The following CPNE4 variants were observed in gnomAD, a reference collection of about 807,000 sequenced individuals.
CPNE4 encodes the protein copine-4.
CPNE4 carries 25 observed loss-of-function variants against 67.9 expected under a neutral mutation model. That is an observed-to-expected ratio of 0.37 (90% CI 0.27 to 0.51). The LOEUF (loss-of-function observed/expected upper bound fraction) is 0.51, where lower values mean the gene tolerates loss of function less well. Among genes scored for constraint, CPNE4 ranks in the 20% least tolerant of loss-of-function variants. The pLI is 0.93. For missense variants in CPNE4, 464 were observed against 690.8 expected, an observed-to-expected ratio of 0.67 and a Z score of 3.68; for synonymous variants, 242 against 244.9, an observed-to-expected ratio of 0.99 and a Z score of 0.11.
intron 2 of CPNE4, among the ~76,000 whole-genome samples, chr3:131,822,820 T>C (rs891447245): frequency 6.6e-6 from 1 of 152,188 alleles, no homozygotes; most frequent in Non-Finnish European, 1.5e-5. Context: ...CAATGTACAC[T>C]TCTTTCCTTT....
chr3:131,645,158 T>C (rs978104538), intron 7 of CPNE4, among the ~76,000 whole-genome samples: 1 of 152,256 alleles, frequency 6.6e-6, no homozygotes, highest in Non-Finnish European at 1.5e-5. Context: ...CCATCTGTGA[T>C]GTCCAGACTA....
intron 2 of CPNE4, among the ~76,000 whole-genome samples, chr3:131,859,821 C>T (rs572904704): frequency 4.8e-4 from 73 of 152,174 alleles, no homozygotes; most frequent in Non-Finnish European, 9.7e-4. Flanking sequence ...GAAAGAATCT[C>T]ATATGTCAGA....
At chr3:131,554,578 C>T (rs1936361506) in intron 12 of CPNE4, among the ~76,000 whole-genome samples, 1 of 152,144 alleles carries the variant, frequency 6.6e-6, no homozygotes, top group South Asian at 2.1e-4. Flanking sequence ...CGATTCCATC[C>T]ACTATTCACT....
At chr3:131,676,039 T>C (rs1383894759) in intron 6 of CPNE4, among the ~76,000 whole-genome samples, 1 of 82,258 alleles carries the variant, frequency 1.2e-5, no homozygotes, top group Non-Finnish European at 2.1e-5. Flanking sequence ...CTATTATTAT[T>C]ATTATTATTA....
At chr3:131,986,295 G>A (rs534150171) in intron 1 of CPNE4, among the ~76,000 whole-genome samples, 20 of 152,256 alleles carry the variant, frequency 1.3e-4, no homozygotes, top group African/African-American at 4.6e-4. Context: ...CCATGGCCAA[G>A]TTCAAGCTAC....
chr3:131,796,533 A>G (rs1198028632), intron 2 of CPNE4, among the ~76,000 whole-genome samples: 1 of 152,182 alleles, frequency 6.6e-6, no homozygotes, highest in Non-Finnish European at 1.5e-5. Flanking sequence ...AAGGTTGGAG[A>G]AAGGAAGCAA....
At chr3:131,961,349 C>T (rs1462476606) in intron 1 of CPNE4, among the ~76,000 whole-genome samples, 1 of 152,040 alleles carries the variant, frequency 6.6e-6, no homozygotes, top group Admixed American at 6.5e-5. Flanking sequence ...AAGGAATCAC[C>T]CTGAGCCTGT....
intron 3 of CPNE4, among the ~76,000 whole-genome samples, chr3:131,711,066 A>G (rs1046903140): frequency 1.3e-5 from 2 of 152,224 alleles, no homozygotes; most frequent in African/African-American, 4.8e-5. Context: ...TGGTCGTAAA[A>G]TATATTGTCC....
At chr3:131,907,501 GACACACAC>G (rs3041560) in intron 1 of CPNE4, among the ~76,000 whole-genome samples, 2 of 151,076 alleles carry the variant, frequency 1.3e-5, no homozygotes, top group African/African-American at 4.9e-5. Context: ...GCATCACACA[GACACACAC>G]ACACACACAC....
chr3:131,927,562 T>G (rs1360520415), intron 1 of CPNE4, among the ~76,000 whole-genome samples: 1 of 152,198 alleles, frequency 6.6e-6, no homozygotes, highest in Non-Finnish European at 1.5e-5. Context: ...ATACCTTTTT[T>G]GTATTTTTAC....
intron 3 of CPNE4, among the ~76,000 whole-genome samples, chr3:131,717,893 T>C (rs879713659): frequency 0.02 from 1,289 of 63,842 alleles, 94 homozygotes; most frequent in East Asian, 0.068. Flanking sequence ...TTTCTTTCTT[T>C]CTTTCTTTCT....
intron 5 of CPNE4, 147 bp downstream of exon 5, chr3:131,696,395 G>T: frequency 1.5e-6 from 1 of 657,310 alleles, no homozygotes. Flanking sequence ...TAATGTGGGG[G>T]AAAGTTTACT....
chr3:131,604,890 G>T (rs577694867), intron 7 of CPNE4, among the ~76,000 whole-genome samples: 2 of 152,206 alleles, frequency 1.3e-5, no homozygotes, highest in Admixed American at 1.3e-4. Context: ...CAATTTTCTT[G>T]TAAAGTACCC....
intron 2 of CPNE4, among the ~76,000 whole-genome samples, chr3:131,897,316 G>C (rs2088376717): frequency 6.6e-6 from 1 of 152,072 alleles, no homozygotes; most frequent in Admixed American, 6.6e-5. Flanking sequence ...TTTCTCACCT[G>C]TAGAGTGGGT....
In CPNE4 at chr3:131,552,456, G is replaced by A. The variant is rs149551451; in HGVS notation, c.1152C>T (p.Asp384=). Residue 384 remains aspartate, a synonymous_variant, in exon 13 of 16, where the codon GAC becomes GAT. Coordinates refer to ENST00000429747, the MANE Select transcript of CPNE4 (RefSeq NM_130808.3). ...SHDFAINFNE[D]NPECAGIQGV... Reference sequence around the variant, plus strand: ...GTGCTTTACCTGCACATTCTGGGTTGTCTTCATTAAAGTTGATTGCAAAGT... The same window carrying A: ...GTGCTTTACCTGCACATTCTGGGTTATCTTCATTAAAGTTGATTGCAAAGT... 563 of 1,612,636 alleles carry A rather than the reference G, an allele frequency of 3.5e-4. 2 individuals are homozygous for A. The East Asian group carries it at 8.2e-3, about 24-fold the overall frequency.
At chr3:131,935,749 T>A (rs7653254) in intron 1 of CPNE4, among the ~76,000 whole-genome samples, 1 of 151,702 alleles carries the variant, frequency 6.6e-6, no homozygotes, top group Non-Finnish European at 1.5e-5. Context: ...AAGGGATATC[T>A]TAGGAGTTCA....
chr3:131,571,972 T>G (rs182422115), intron 10 of CPNE4, among the ~76,000 whole-genome samples: 1 of 152,098 alleles, frequency 6.6e-6, no homozygotes, highest in Non-Finnish European at 1.5e-5. Flanking sequence ...GGATGCTTTT[T>G]AAAGCAAAAC....
chr3:132,011,648 A>G (rs1237021171), intron 1 of CPNE4, among the ~76,000 whole-genome samples: 1 of 152,226 alleles, frequency 6.6e-6, no homozygotes, highest in Non-Finnish European at 1.5e-5. Flanking sequence ...GCCAGCATAG[A>G]ATAGCTATGA....
intron 10 of CPNE4, among the ~76,000 whole-genome samples, chr3:131,568,561 T>C (rs1937175607): frequency 6.6e-6 from 1 of 152,040 alleles, no homozygotes; most frequent in African/African-American, 2.4e-5. Context: ...CAATCTTCTC[T>C]GCAGGCAGCA....
Sources: allele counts gnomAD v4.1 joint callset (sites outside exome capture counted in the v4.1 genomes callset), GRCh38; gene constraint gnomAD v4.1.1; transcripts MANE v1.5; gene names NCBI Gene and HGNC (gene_info 2026-07-23, HGNC 2026-07-21).